The following DIAPH1 variants were observed in gnomAD, a reference collection of about 807,000 sequenced individuals.
The protein encoded by DIAPH1 is diaphanous related formin 1.
Under a neutral mutation model 140.7 loss-of-function variants are expected in DIAPH1, and 46 were observed. The ratio of observed to expected loss-of-function variants is 0.33; its 90% CI spans 0.26 to 0.42. The LOEUF is 0.42. DIAPH1 is among the 10% of genes least tolerant of loss of function. The pLI is 1.00. For missense variants in DIAPH1, 1,310 were observed against 1,558.7 expected, an observed-to-expected ratio of 0.84 and a Z score of 2.69; for synonymous variants, 565 against 551.6, an observed-to-expected ratio of 1.02 and a Z score of -0.34.
At chr5:141,525,245 C>T (rs949674340) in intron 26 of DIAPH1, among the ~76,000 whole-genome samples, 1 of 152,154 alleles carries the variant, frequency 6.6e-6, no homozygotes, top group Non-Finnish European at 1.5e-5. Context: ...CTGTAAAATA[C>T]TGATTCCTAA....
At chr5:141,582,090 G>GAAAAA in intron 7 of DIAPH1, 1 of 249,498 alleles carries the variant, frequency 4.0e-6, no homozygotes, top group Non-Finnish European at 7.4e-6. Flanking sequence ...AAAAAAAAGA[G>GAAAAA]AGAGAAACAA....
chr5:141,533,206 ACAC>A, intron 19 of DIAPH1, among the ~76,000 whole-genome samples: 2 of 152,368 alleles, frequency 1.3e-5, no homozygotes, highest in Middle Eastern at 6.8e-3. Flanking sequence ...CATCTCTGGA[ACAC>A]ATGCCTAATA....
chr5:141,546,021 T>TATAATCTTGA (rs1330250561), intron 18 of DIAPH1, among the ~76,000 whole-genome samples: 1 of 152,170 alleles, frequency 6.6e-6, no homozygotes, highest in Admixed American at 6.5e-5. Context: ...AAAACAGAAA[T>TATAATCTTGA]ATAATCTTGA....
At chr5:141,616,005 A>G (rs1332322833) in intron 1 of DIAPH1, among the ~76,000 whole-genome samples, 1 of 152,190 alleles carries the variant, frequency 6.6e-6, no homozygotes, top group Non-Finnish European at 1.5e-5. Flanking sequence ...ATTTTCCTTC[A>G]TCTTAAGGAC....
chr5:141,537,210 G>A (rs945170102), intron 18 of DIAPH1, among the ~76,000 whole-genome samples: 10 of 151,888 alleles, frequency 6.6e-5, no homozygotes, highest in African/African-American at 1.7e-4. Context: ...TTGGCCAGAC[G>A]CGGTGGCTCA....
rs191528221 is a variant in DIAPH1, at chr5:141,520,188, C to T, written c.3662-3180G>A. ...GACAGATGGGGCAATCATCATCACA[C>T]TAAATAACTCATTCTTGTCTCAAAC... On this transcript the variant is annotated intron_variant, in intron 27 of 27. Transcript: ENST00000389054. Among the ~76,000 whole-genome samples the T allele has an allele frequency of 1.1e-3, 163 of 152,326 alleles. 1 individual carries two copies. The highest frequency in any genetic ancestry group is 0.01 in the Middle Eastern group (3 of 294).
At chr5:141,552,918 T>G (rs551355737) in intron 18 of DIAPH1, among the ~76,000 whole-genome samples, 1 of 152,266 alleles carries the variant, frequency 6.6e-6, no homozygotes, top group East Asian at 1.9e-4. Flanking sequence ...AGAAATAAAT[T>G]TCTGTTGTTT....
chr5:141,585,524 A>G (rs966253733), intron 3 of DIAPH1, among the ~76,000 whole-genome samples: 1 of 152,052 alleles, frequency 6.6e-6, no homozygotes, highest in East Asian at 1.9e-4. Context: ...AAAGAAAAAG[A>G]GGTGCAGTGG....
rs147887403 is a variant in DIAPH1, at chr5:141,544,237, G to C, written c.2483-9804C>G. Among the ~76,000 whole-genome samples, 1,325 of 152,254 alleles carry C rather than the reference G, an allele frequency of 8.7e-3. 24 individuals carry two copies. Among genetic ancestry groups the C allele is most frequent in the African/African-American group, 0.031 (1,270 of 41,544 alleles). ...AGGCAGGAGAATGGTGTGAAACTGG[G>C]AAGTGGAGCTTGCAGTGAGCTGAGA... On this transcript the variant is annotated intron_variant, in intron 18 of 27. Coordinates refer to ENST00000389054, the MANE Select transcript of DIAPH1 (RefSeq NM_005219.5).
intron 1 of DIAPH1, among the ~76,000 whole-genome samples, chr5:141,610,930 AAG>A (rs2099901735): frequency 6.6e-6 from 1 of 151,762 alleles, no homozygotes; most frequent in South Asian, 2.1e-4. Flanking sequence ...AAAAAAGAAA[AAG>A]AAAAAAATCA....
intron 1 of DIAPH1, among the ~76,000 whole-genome samples, chr5:141,603,566 GT>G (rs2099900483): frequency 1.3e-5 from 2 of 152,150 alleles, no homozygotes; most frequent in Non-Finnish European, 2.9e-5. Flanking sequence ...TCAAGCACAA[GT>G]TAGAAATGCC....
chr5:141,530,156 A>G (rs2099887991), intron 19 of DIAPH1, among the ~76,000 whole-genome samples: 1 of 152,150 alleles, frequency 6.6e-6, no homozygotes, highest in Admixed American at 6.5e-5. Context: ...GTGATCCTCA[A>G]AGCTGCCTTG....
chr5:141,559,234 T>A (rs1167732706), intron 18 of DIAPH1, among the ~76,000 whole-genome samples: 1 of 152,256 alleles, frequency 6.6e-6, no homozygotes, highest in Non-Finnish European at 1.5e-5. Context: ...ATATTCTTCA[T>A]GGTTGTAATA....
At chr5:141,574,920 G>A in intron 15 of DIAPH1, 47 bp downstream of exon 15, 1 of 1,605,624 alleles carries the variant, frequency 6.2e-7, no homozygotes, top group Non-Finnish European at 8.5e-7. Flanking sequence ...CAAGCCATGT[G>A]CATCCTGAGG....
At chr5:141,568,685 A>G (rs959962603) in intron 18 of DIAPH1, among the ~76,000 whole-genome samples, 14 of 152,194 alleles carry the variant, frequency 9.2e-5, no homozygotes, top group Non-Finnish European at 1.8e-4. Context: ...GTGCAGAGTG[A>G]GGCAGGTGCT....
intron 3 of DIAPH1, among the ~76,000 whole-genome samples, chr5:141,586,629 C>T (rs2099897600): frequency 1.3e-5 from 2 of 152,246 alleles, no homozygotes; most frequent in Non-Finnish European, 2.9e-5. Flanking sequence ...CACCACTATA[C>T]AGGACCTTGA....
intron 18 of DIAPH1, among the ~76,000 whole-genome samples, chr5:141,536,595 C>T (rs925583801): frequency 2.0e-5 from 3 of 151,658 alleles, no homozygotes; most frequent in African/African-American, 4.9e-5. Context: ...GATTTGATGA[C>T]GGGGGCAGTT....
intron 27 of DIAPH1, among the ~76,000 whole-genome samples, chr5:141,519,667 G>A (rs1483572914): frequency 6.6e-6 from 1 of 152,228 alleles, no homozygotes; most frequent in Non-Finnish European, 1.5e-5. Flanking sequence ...GTAGGGAGAA[G>A]ATCAAAATTT....
At chr5:141,549,162 A>T (rs2099891301) in intron 18 of DIAPH1, among the ~76,000 whole-genome samples, 1 of 152,192 alleles carries the variant, frequency 6.6e-6, no homozygotes, top group Admixed American at 6.5e-5. Flanking sequence ...TATAAGGGAC[A>T]CACCTTAAAT....
Sources: gnomAD v4.1 joint callset for allele counts (sites outside exome capture counted in the v4.1 genomes callset) on GRCh38, gnomAD v4.1.1 for gene constraint, MANE v1.5 for transcripts, NCBI Gene and HGNC (gene_info 2026-07-23, HGNC 2026-07-21) for gene names.